KCNH5: variants seen among roughly 807,000 people sequenced by gnomAD.
KCNH5 encodes potassium voltage-gated channel subfamily H member 5.
Under a neutral mutation model 96.1 loss-of-function variants are expected in KCNH5, and 46 were observed. The observed-to-expected ratio is 0.48, with a 90% confidence interval of 0.38 to 0.61. The LOEUF (loss-of-function observed/expected upper bound fraction) is 0.61, where lower values mean the gene tolerates loss of function less well. Ranked by LOEUF, KCNH5 falls within the 20% of genes least tolerant of loss-of-function variation. The probability of loss-of-function intolerance (pLI) is 0.00; values close to 1 mark genes in which losing one functional copy is unlikely to be tolerated. For missense variants in KCNH5, 907 were observed against 1,225.8 expected, an observed-to-expected ratio of 0.74 and a Z score of 3.88; for synonymous variants, 439 against 449.8, an observed-to-expected ratio of 0.98 and a Z score of 0.30.
At chr14:62,964,688 C>T (rs1017284945) in intron 6 of KCNH5, among the ~76,000 whole-genome samples, 16 of 152,088 alleles carry the variant, frequency 1.1e-4, no homozygotes, top group Admixed American at 5.2e-4. Flanking sequence ...CAGCCTCTTG[C>T]CAATTTTATA....
intron 2 of KCNH5, 145 bp downstream of exon 2, chr14:63,016,686 T>C (rs1275683447): frequency 2.8e-6 from 2 of 703,296 alleles, no homozygotes; most frequent in African/African-American, 1.9e-5. Flanking sequence ...TGTGTTTCCA[T>C]TGATAATTTA....
At chr14:62,931,089 A>G (rs537593278) in intron 7 of KCNH5, among the ~76,000 whole-genome samples, 32 of 152,256 alleles carry the variant, frequency 2.1e-4, no homozygotes, top group African/African-American at 7.7e-4. Context: ...ATGAGTACAG[A>G]GAAAATGATC....
Position 63,045,098 on chromosome 14 carries a change from C to T in KCNH5, c.73+16G>A, listed in dbSNP as rs746656207. On this transcript the variant is annotated intron_variant, in intron 1 of 10. Coordinates refer to ENST00000322893, the MANE Select transcript of KCNH5 (RefSeq NM_139318.5). Reference sequence around the variant, plus strand: ...GGGATGGAGGTGGGGGTGTTCTGAACTACAACTCTCCTTACCACTGGAGCG... The same window carrying T: ...GGGATGGAGGTGGGGGTGTTCTGAATTACAACTCTCCTTACCACTGGAGCG... 6.2e-7 allele frequency: 1 copy of T among 1,609,554 alleles called. No individual in the cohort carries two copies. The highest frequency in any genetic ancestry group is 8.5e-7 in the Non-Finnish European group (1 of 1,176,096).
At chr14:62,854,124 C>G (rs921391269) in intron 7 of KCNH5, among the ~76,000 whole-genome samples, 6 of 151,838 alleles carry the variant, frequency 4.0e-5, no homozygotes, top group Non-Finnish European at 7.4e-5. Context: ...CCTTACTATG[C>G]TTTATCATAA....
chr14:62,920,612 T>A (rs1418063404), intron 7 of KCNH5, among the ~76,000 whole-genome samples: 4 of 152,090 alleles, frequency 2.6e-5, no homozygotes, highest in Admixed American at 2.6e-4. Flanking sequence ...AGATTCAGTG[T>A]TGTTCTGGGT....
chr14:62,925,353 C>T (rs1889454759), intron 7 of KCNH5, among the ~76,000 whole-genome samples: 1 of 151,848 alleles, frequency 6.6e-6, no homozygotes, highest in Non-Finnish European at 1.5e-5. Flanking sequence ...GGCATTAAAC[C>T]ATATGGTCTT....
At chr14:62,772,995 T>C (rs189774812) in intron 10 of KCNH5, among the ~76,000 whole-genome samples, 69 of 152,304 alleles carry the variant, frequency 4.5e-4, no homozygotes, top group African/African-American at 1.4e-3. Flanking sequence ...AACCACAGTA[T>C]GAAAAACTAA....
At chr14:62,901,912 A>T (rs1888933653) in intron 7 of KCNH5, among the ~76,000 whole-genome samples, 2 of 152,146 alleles carry the variant, frequency 1.3e-5, no homozygotes, top group Non-Finnish European at 2.9e-5. Context: ...TAGTAACAGT[A>T]ATTCTGACTG....
At chr14:62,933,003 T>C (rs1242060650) in intron 7 of KCNH5, among the ~76,000 whole-genome samples, 2 of 152,018 alleles carry the variant, frequency 1.3e-5, no homozygotes, top group South Asian at 2.1e-4. Flanking sequence ...AAAACAGATA[T>C]AGGAAACAAT....
chr14:62,824,255 G>A (rs1195603950), intron 8 of KCNH5, among the ~76,000 whole-genome samples: 1 of 151,916 alleles, frequency 6.6e-6, no homozygotes, highest in Non-Finnish European at 1.5e-5. Context: ...TCAAGAAAAA[G>A]AAACCACAGA....
At chr14:63,032,888 C>T (rs1369657769) in intron 1 of KCNH5, among the ~76,000 whole-genome samples, 1 of 152,156 alleles carries the variant, frequency 6.6e-6, no homozygotes, top group Non-Finnish European at 1.5e-5. Flanking sequence ...CCAAGCGTGG[C>T]CTTCTTCCAG....
chr14:63,017,863 A>G (rs574618844), intron 1 of KCNH5, among the ~76,000 whole-genome samples: 1 of 152,092 alleles, frequency 6.6e-6, no homozygotes, highest in South Asian at 2.1e-4. Flanking sequence ...CAAATTTTTT[A>G]GAAGACTTTA....
rs375852116 is a variant in KCNH5 at position 63,006,352 on chromosome 14, A to G, written c.304+14T>C. On this transcript the variant is annotated intron_variant, in intron 3 of 10. Coordinates refer to ENST00000322893, the MANE Select transcript of KCNH5 (RefSeq NM_139318.5). Reference sequence around the variant, plus strand: ...AAAGAGTTGGCACATCTTATTAATAATTGAGATACCTACTGTTTTTCTTGT... The same window carrying G: ...AAAGAGTTGGCACATCTTATTAATAGTTGAGATACCTACTGTTTTTCTTGT... The G allele has an allele frequency of 2.1e-5, 32 of 1,509,570 alleles. No homozygotes were observed. The African/African-American group carries it at 2.5e-4, about 12-fold the overall frequency. 93.5% of individuals were successfully genotyped at this position (1,509,570 alleles called of 1,614,324 possible). A position where few individuals can be genotyped will look rare whatever the true frequency, so the allele number is the denominator to read the frequency against.
intron 7 of KCNH5, among the ~76,000 whole-genome samples, chr14:62,882,100 T>TA (rs143123435): frequency 0.024 from 1,815 of 76,640 alleles, 70 homozygotes; most frequent in Non-Finnish European, 0.028. Flanking sequence ...CCCCATTTCT[T>TA]AAAAAAAAAA....
At chr14:62,913,297 G>A (rs1470902094) in intron 7 of KCNH5, among the ~76,000 whole-genome samples, 12 of 152,004 alleles carry the variant, frequency 7.9e-5, no homozygotes, top group African/African-American at 2.2e-4. Context: ...GTGCGATCTC[G>A]GCTCACTGCA....
chr14:62,765,330 CT>C (rs1312249441), intron 10 of KCNH5, among the ~76,000 whole-genome samples: 17 of 152,152 alleles, frequency 1.1e-4, no homozygotes, highest in Non-Finnish European at 2.2e-4. Context: ...ATGCAGAAGA[CT>C]AAAACTTGAC....
At chr14:62,732,754 G>A (rs983442642) in intron 10 of KCNH5, among the ~76,000 whole-genome samples, 3 of 152,134 alleles carry the variant, frequency 2.0e-5, no homozygotes, top group Non-Finnish European at 4.4e-5. Flanking sequence ...AGAAAGGAAA[G>A]TGAAGACCAG....
chr14:62,887,430 C>A lies in KCNH5; in HGVS notation c.1370-37578G>T, dbSNP rs535549458. 9.3e-4 allele frequency among the ~76,000 whole-genome samples: 142 copies of A among 152,146 alleles called. 2 individuals carry two copies. The highest frequency in any genetic ancestry group is 5.9e-4 in the Non-Finnish European group (40 of 67,996). On this transcript the variant is annotated intron_variant, in intron 7 of 10. Coordinates refer to ENST00000322893, the MANE Select transcript of KCNH5 (RefSeq NM_139318.5). ...TTGAAGGCTATATGATGAATATTTC[C>A]AGAAGTATAAGAAAAAAGTAAGAAC...
intron 7 of KCNH5, among the ~76,000 whole-genome samples, chr14:62,884,113 T>C (rs1888546828): frequency 6.6e-6 from 1 of 152,200 alleles, no homozygotes; most frequent in African/African-American, 2.4e-5. Context: ...CTTCAAGCTC[T>C]GTGTTAGAAT....
Sources: gnomAD v4.1 joint callset for allele counts (sites outside exome capture counted in the v4.1 genomes callset) on GRCh38, gnomAD v4.1.1 for gene constraint, MANE v1.5 for transcripts, NCBI Gene and HGNC (gene_info 2026-07-23, HGNC 2026-07-21) for gene names.